Variants in PLXNB2 observed in about 807,000 individuals in gnomAD.
PLXNB2 encodes the protein plexin B2.
In PLXNB2, 85 loss-of-function variants were observed where a neutral mutation model predicts 202.6. The observed-to-expected ratio is 0.42, with a 90% CI of 0.35 to 0.50. The LOEUF (loss-of-function observed/expected upper bound fraction) is 0.50, where lower values mean the gene tolerates loss of function less well. PLXNB2 is among the 20% of genes least tolerant of loss of function. The pLI, the probability that PLXNB2 is intolerant of heterozygous loss-of-function variation, is 0.02. For synonymous variants in PLXNB2, 1,239 were observed against 1,137.6 expected (o/e 1.09, Z -1.79); for missense variants, 2,063 against 2,586.2 (o/e 0.80, Z 4.39).
chr22:50,293,142 A>G (rs1415526144), intron 2 of PLXNB2, among the ~76,000 whole-genome samples: 7 of 152,332 alleles, frequency 4.6e-5, no homozygotes, highest in African/African-American at 1.7e-4. Context: ...AGACAGGAAG[A>G]TTCTACAAGC....
chr22:50,279,572 C>T, intron 27 of PLXNB2, 58 bp downstream of exon 27: 1 of 1,562,716 alleles, frequency 6.4e-7, no homozygotes. Context: ...CAGGGGATGC[C>T]CAAGCTCCTT....
intron 36 of PLXNB2, 22 bp downstream of exon 36, chr22:50,275,867 G>T: frequency 6.2e-7 from 1 of 1,609,482 alleles, no homozygotes; most frequent in South Asian, 1.1e-5. Context: ...ACCTGCCCCC[G>T]CCCCCGGGGG....
rs996980645 is a variant in PLXNB2 at position 50,307,537 on chromosome 22, C to T, written c.-74+16G>A. 6.1e-6 allele frequency: 6 copies of T among 980,534 alleles called. No homozygotes were observed. In the African/African-American group the frequency reaches 8.8e-5, roughly 14 times the overall value. The allele number at this position is 980,534 out of a possible 1,614,324, so 60.7% of individuals were successfully genotyped here. A position where few individuals can be genotyped will look rare whatever the true frequency, so the allele number is the denominator to read the frequency against. On this transcript the variant is annotated intron_variant, in intron 1 of 36. Coordinates refer to ENST00000359337, the MANE Select transcript of PLXNB2 (RefSeq NM_012401.4). ...AGCGAGACGTCCCCCGCAGCCCAGT[C>T]CCCCGAGCTCGGTACCTGCACGTCC...
Position 50,285,814 on chromosome 22 carries a change from G to A in PLXNB2, c.2074C>T (p.Leu692=), listed in dbSNP as rs1354311813. The change falls in exon 11 of 37, where the codon CTG becomes TTG. Residue 692 remains leucine, a synonymous_variant. Coordinates refer to ENST00000359337, the MANE Select transcript of PLXNB2 (RefSeq NM_012401.4). ...ETDVNFQGKN[L]DTVKGSSLHV... ...TCCCTCCGCACCTTCACGGTGTCCA[G>A]GTTCTTGCCCTGGAAGTTCACATCT... is the stretch of plus-strand genomic sequence containing the variant. 1 of 1,611,878 alleles carries A rather than the reference G, an allele frequency of 6.2e-7. No individual in the cohort carries two copies. The highest frequency in any genetic ancestry group is 8.5e-7 in the Non-Finnish European group (1 of 1,179,256).
At chr22:50,305,749 G>A (rs984912323) in intron 1 of PLXNB2, among the ~76,000 whole-genome samples, 6 of 152,118 alleles carry the variant, frequency 3.9e-5, no homozygotes, top group African/African-American at 1.2e-4. Context: ...GGGCCTGGAG[G>A]GTACCTCAGA....
chr22:50,279,257 G>A (rs747495089), intron 27 of PLXNB2, among the ~76,000 whole-genome samples: 4 of 152,226 alleles, frequency 2.6e-5, no homozygotes, highest in Non-Finnish European at 4.4e-5. Flanking sequence ...AGGCTGTCAC[G>A]CAAGCTCATG....
rs111638781 is a variant in PLXNB2, at chr22:50,284,982, C to G, written c.2089-317G>C. 7,283 of 493,442 alleles carry G rather than the reference C, an allele frequency of 0.015. 77 individuals carry two copies. The highest frequency in any genetic ancestry group is 0.02 in the Non-Finnish European group (4,860 of 248,052). The allele number at this position is 493,442 out of a possible 1,614,324, so 30.6% of individuals were successfully genotyped here. On this transcript the variant is annotated intron_variant, in intron 11 of 36. Transcript: ENST00000359337. The surrounding 1 kb of genome is among the most constrained non-coding windows in gnomAD (Gnocchi z 8.0). ...CTCCCTCCTCAGGAGGTGGCACTGG[C>G]CCCTCAATCTCCACACGCCTGCCTC...
At chr22:50,296,908 A>G (rs1333282162) in intron 1 of PLXNB2, among the ~76,000 whole-genome samples, 3 of 152,170 alleles carry the variant, frequency 2.0e-5, no homozygotes, top group Admixed American at 1.3e-4. Flanking sequence ...GGTGAGCTCC[A>G]CAGCTGTGCA....
Position 50,280,792 on chromosome 22 carries a change from G to A in PLXNB2, c.3945C>T (p.Ala1315=), listed in dbSNP as rs756520626. The change falls in exon 24 of 37, where the codon GCC becomes GCT. Residue 1315 remains alanine (A), a synonymous_variant. Transcript: ENST00000359337. Reference sequence around the variant, plus strand: ...TCAGCAGGTTGGAGAACTGGTAGAGGGCCTGCTCCACCACCGGCCGCCGCG... The same window carrying A: ...TCAGCAGGTTGGAGAACTGGTAGAGAGCCTGCTCCACCACCGGCCGCCGCG... ...PEPRRPVVEQ[A]LYQFSNLLNS... 2 of 1,613,076 alleles carry A rather than the reference G, an allele frequency of 1.2e-6. No homozygotes were observed. The highest frequency in any genetic ancestry group is 1.7e-5 in the Admixed American group (1 of 60,012).
At position 50,287,983 on chromosome 22, in the gene PLXNB2, G is replaced by C. The variant is rs770096187; in HGVS notation, c.1435C>G (p.Arg479Gly). The C allele has an allele frequency of 1.3e-6, 2 of 1,581,750 alleles. No individual in the cohort carries two copies. ...CLSYPTCTQC[R>G]DSQDPYCGWC... ...CCGCAGTAGGGGTCCTGGGAGTCGC[G>C]GCACTGGGTGCAGGTCGGGTAGCTC... Residue 479 changes from arginine (R) to glycine (G), a missense_variant, in exon 6 of 37, where the codon CGC becomes GGC. By Grantham distance (125) the Arg-to-Gly change is moderately radical (BLOSUM62 -2). Coordinates refer to ENST00000359337, the MANE Select transcript of PLXNB2 (RefSeq NM_012401.4).
chr22:50,294,291 G>A (rs927227365), intron 2 of PLXNB2, among the ~76,000 whole-genome samples: 3 of 152,216 alleles, frequency 2.0e-5, no homozygotes, highest in Admixed American at 1.3e-4. Context: ...CAGCAACTCC[G>A]GCTGCTGCTG....
intron 7 of PLXNB2, among the ~76,000 whole-genome samples, 155 bp downstream of exon 7, chr22:50,287,512 G>T (rs2066545746): frequency 6.6e-6 from 1 of 152,106 alleles, no homozygotes; most frequent in Non-Finnish European, 1.5e-5. Context: ...GGGGACCAAT[G>T]GAGGGCGGGC....
At chr22:50,304,705 G>C (rs374287356) in intron 1 of PLXNB2, among the ~76,000 whole-genome samples, 645 of 151,610 alleles carry the variant, frequency 4.3e-3, no homozygotes, top group Non-Finnish European at 5.9e-3. Flanking sequence ...ATTAGTCAGA[G>C]ACCCAGCCCC....
At chr22:50,287,448 C>T (rs2066540798) in intron 7 of PLXNB2, among the ~76,000 whole-genome samples, 184 bp from the exon 8 acceptor site, 1 of 152,156 alleles carries the variant, frequency 6.6e-6, no homozygotes. Context: ...GGGCCTGAGT[C>T]CACCCTGGAT....
chr22:50,284,788 C>T lies in PLXNB2; in HGVS notation c.2089-123G>A. On this transcript the variant is annotated intron_variant, in intron 11 of 36. Transcript: ENST00000359337. This position sits in a 1 kb window ranked among gnomAD's most constrained non-coding sequence, Gnocchi z 8.0. ...GAGCCCTCTCCTCACCCCACACATG[C>T]CCGCCCCTCAGATTACCATGCCAGC... 2.5e-6 allele frequency: 2 copies of T among 799,494 alleles called. No homozygotes were observed. Among genetic ancestry groups the T allele is most frequent in the East Asian group, 2.4e-5 (1 of 40,844 alleles). The allele number at this position is 799,494 out of a possible 1,614,324, so 49.5% of individuals were successfully genotyped here.
In PLXNB2 at chr22:50,289,826, G is replaced by A; in HGVS notation, c.759C>T (p.Asp253=). The change falls in exon 3 of 37, where the codon GAC becomes GAT. Residue 253 remains aspartate, a synonymous_variant. Coordinates refer to ENST00000359337, the MANE Select transcript of PLXNB2 (RefSeq NM_012401.4). This position sits in a 1 kb window ranked among gnomAD's most constrained non-coding sequence, Gnocchi z 8.0. ...RTLLARMCRE[D]PNYYSYLEMD... ...TCTCCAGGTAGGAGTAGTAGTTGGG[G>A]TCTTCTCTGCACATGCGTGCCAGCA... is the stretch of plus-strand genomic sequence containing the variant. The A allele has an allele frequency of 1.9e-6, 3 of 1,613,318 alleles. No individual in the cohort carries two copies. Among genetic ancestry groups the A allele is most frequent in the African/African-American group, 1.3e-5 (1 of 75,080 alleles).
chr22:50,290,901 G>A (rs1357819458), intron 2 of PLXNB2, among the ~76,000 whole-genome samples: 3 of 152,316 alleles, frequency 2.0e-5, no homozygotes, highest in East Asian at 1.9e-4. Flanking sequence ...TATCCCCGAG[G>A]CAAGGAGTTG....
chr22:50,279,594 G>A (rs545338689), intron 27 of PLXNB2, 36 bp downstream of exon 27: 38 of 1,607,016 alleles, frequency 2.4e-5, no homozygotes, highest in Middle Eastern at 3.3e-4. Flanking sequence ...GCCCAGATCC[G>A]AGGCGCCCAT....
rs774670910 is a variant in PLXNB2, at chr22:50,290,515, T to C, written c.70A>G (p.Lys24Glu). The change falls in exon 3 of 37, where the codon AAG (lysine) becomes GAG (glutamate). Residue 24 changes from lysine to glutamate, a missense_variant. Physicochemically the swap from Lys to Glu is moderately conservative, Grantham distance 56. This residue lies in a region of PLXNB2 where 1,303 missense variants were observed against 1,476.8 expected (regional missense o/e 0.88). Coordinates refer to ENST00000359337, the MANE Select transcript of PLXNB2 (RefSeq NM_012401.4). ...LGAGASLRPR[K>E]LDFFRSEKEL... Reference sequence around the variant, plus strand: ...TTCTCGCTGCGGAAGAAGTCCAGCTTGCGGGGCCTCAGGCTGGCACCTGCG... The same window carrying C: ...TTCTCGCTGCGGAAGAAGTCCAGCTCGCGGGGCCTCAGGCTGGCACCTGCG... 6.2e-7 allele frequency: 1 copy of C among 1,612,580 alleles called. No individual in the cohort carries two copies. The highest frequency in any genetic ancestry group is 1.1e-5 in the South Asian group (1 of 91,064).
Sources: allele counts gnomAD v4.1 joint callset (sites outside exome capture counted in the v4.1 genomes callset), GRCh38; gene constraint gnomAD v4.1.1; regional missense constraint gnomAD v4.1.1; non-coding constraint Gnocchi (gnomAD v3.1); transcripts MANE v1.5; gene names NCBI Gene and HGNC (gene_info 2026-07-23, HGNC 2026-07-21).